FOXO4: variants seen among roughly 807,000 people sequenced by gnomAD.
FOXO4 encodes the protein forkhead box protein O4.
A neutral mutation model predicts 20.8 loss-of-function variants in FOXO4; 3 were observed. The ratio of observed to expected loss-of-function variants is 0.14; its 90% CI spans 0.07 to 0.37. The LOEUF is 0.37. FOXO4 is among the 10% of genes least tolerant of loss of function. The probability of loss-of-function intolerance (pLI) is 1.00; values close to 1 mark genes in which losing one functional copy is unlikely to be tolerated. For missense variants in FOXO4, 309 were observed against 431.9 expected (o/e 0.72, Z 2.52); for synonymous variants, 158 against 180.0 (o/e 0.88, Z 0.98).
chrX:71,100,719 G>A lies in FOXO4; in HGVS notation c.489G>A (p.Lys163=). 8.3e-7 allele frequency: 1 copy of A among 1,202,996 alleles called. No individual in the cohort carries two copies. The highest frequency in any genetic ancestry group is 1.1e-6 in the Non-Finnish European group (1 of 890,843). ...GCCACAACCTGTCCCTGCACAGCAA[G>A]TTCATCAAGGTTCACAACGAGGCCA... ...SIRHNLSLHS[K]FIKVHNEATG... The change falls in exon 2 of 3, where the codon AAG becomes AAA. Residue 163 remains lysine, a synonymous_variant. Transcript: ENST00000374259.
rs775556254 is a variant in FOXO4, at chrX:71,101,713, G to A, written c.1483G>A (p.Glu495Lys). The A allele has an allele frequency of 8.3e-7, 1 of 1,209,330 alleles. No homozygotes were observed. Among genetic ancestry groups the A allele is most frequent in the Non-Finnish European group, 1.1e-6 (1 of 893,430 alleles). Residue 495 changes from glutamate (E) to lysine (K), a missense_variant, in exon 2 of 3, where the codon GAG becomes AAG. Coordinates refer to ENST00000374259, the MANE Select transcript of FOXO4 (RefSeq NM_005938.4). Reference sequence around the variant, plus strand: ...CATCAGTGACCTCATGGATGAGGGCGAGGGACTGGACTTCAACTTTGAGCC... The same window carrying A: ...CATCAGTGACCTCATGGATGAGGGCAAGGGACTGGACTTCAACTTTGAGCC... ...NIISDLMDEG[E>K]GLDFNFEPDP
Position 71,102,349 on chromosome X carries a change from A to T in FOXO4, c.*265A>T. The T allele has an allele frequency of 2.4e-6, 1 of 415,222 alleles. No individual in the cohort carries two copies. The highest frequency in any genetic ancestry group is 4.2e-6 in the Non-Finnish European group (1 of 238,062). The allele number at this position is 415,222 out of a possible 1,213,427, so 34.2% of individuals were successfully genotyped here. On this transcript the variant is annotated 3_prime_UTR_variant, in exon 3 of 3. Coordinates refer to ENST00000374259, the MANE Select transcript of FOXO4 (RefSeq NM_005938.4). ...GTAAGGCCCCCTCTCAGGAGCCATC[A>T]TCGGCTTTCCCCATTCCTACCCACT...
rs1026337064 is a variant in FOXO4 at position 71,096,611 on chromosome X, C to A, written c.83C>A (p.Pro28His). The change falls in exon 1 of 3, where the codon CCC (proline) becomes CAC (histidine). Residue 28 changes from proline to histidine, a missense_variant. Transcript: ENST00000374259. ...LDPDFEPQSRPRSCTWPLPRP... is the reference protein window; with the variant it reads ...LDPDFEPQSRHRSCTWPLPRP... ...CCCGACTTCGAACCCCAGAGCCGTC[C>A]CCGCTCCTGCACCTGGCCCCTTCCC... is the stretch of plus-strand genomic sequence containing the variant. 8.3e-7 allele frequency: 1 copy of A among 1,208,827 alleles called. No homozygotes were observed. Among genetic ancestry groups the A allele is most frequent in the Non-Finnish European group, 1.1e-6 (1 of 894,341 alleles).
Position 71,102,064 on chromosome X carries a change from C to A in FOXO4, c.1511-13C>A. ...AAGCCTCTTACCTTGTTCTCTGTTT[C>A]TTCTTCCCACAGATCCCTGAGTCAT... is the stretch of plus-strand genomic sequence containing the variant. On this transcript the variant is annotated splice_polypyrimidine_tract_variant and intron_variant, in intron 2 of 2. Transcript: ENST00000374259. 8.3e-7 allele frequency: 1 copy of A among 1,209,531 alleles called. No individual in the cohort carries two copies. Among genetic ancestry groups the A allele is most frequent in the Non-Finnish European group, 1.1e-6 (1 of 894,050 alleles).
Position 71,096,787 on chromosome X carries a change from G to T in FOXO4, c.259G>T (p.Ala87Ser), listed in dbSNP as rs369939190. Residue 87 changes from alanine (A) to serine (S), a missense_variant, in exon 1 of 3, where the codon GCT (alanine) becomes TCT (serine). Physicochemically the swap from Ala to Ser is moderately conservative, Grantham distance 99 (BLOSUM62 1). Around this residue, in one of 3 missense-constraint regions of FOXO4, gnomAD observed 81 missense variants for 94.2 expected, o/e 0.86. Coordinates refer to ENST00000374259, the MANE Select transcript of FOXO4 (RefSeq NM_005938.4). ...AGGPQPGILGAVTGPRKGGSR... is the reference protein window; with the variant it reads ...AGGPQPGILGSVTGPRKGGSR... ...GGGCCCCCAGCCCGGAATCCTGGGG[G>T]CTGTAACAGGTCCTCGGAAGGGAGG... The T allele has an allele frequency of 3.2e-5, 38 of 1,199,023 alleles. No homozygotes were observed. Among genetic ancestry groups the T allele is most frequent in the Non-Finnish European group, 4.0e-5 (36 of 889,342 alleles).
rs1019191942 is a variant in FOXO4 at position 71,096,613 on chromosome X, C to G, written c.85C>G (p.Arg29Gly). The change falls in exon 1 of 3, where the codon CGC becomes GGC. Residue 29 changes from arginine to glycine, a missense_variant. Transcript: ENST00000374259. ...CGACTTCGAACCCCAGAGCCGTCCC[C>G]GCTCCTGCACCTGGCCCCTTCCCCG... ...DPDFEPQSRP[R>G]SCTWPLPRPE... The G allele has an allele frequency of 9.1e-6, 11 of 1,210,504 alleles. No individual in the cohort carries two copies. The highest frequency in any genetic ancestry group is 1.2e-5 in the Non-Finnish European group (11 of 894,673).
At chrX:71,098,485 A>G (rs1397997157) in intron 1 of FOXO4, among the ~76,000 whole-genome samples, 1 of 112,205 alleles carries the variant, frequency 8.9e-6, no homozygotes, top group Admixed American at 9.4e-5. Flanking sequence ...CCCTGATGAT[A>G]TGCCAAGGTT....
chrX:71,100,779 G>A lies in FOXO4; in HGVS notation c.549G>A (p.Glu183=), dbSNP rs745550997. The A allele has an allele frequency of 1.7e-6, 2 of 1,211,358 alleles. No homozygotes were observed. Among genetic ancestry groups the A allele is most frequent in the Non-Finnish European group, 2.2e-6 (2 of 895,205 alleles). The change falls in exon 2 of 3, where the codon GAG becomes GAA. Residue 183 remains glutamate, a synonymous_variant. Transcript: ENST00000374259. ...GCTCTTGGTGGATGCTGAACCCTGA[G>A]GGAGGCAAGAGCGGCAAAGCCCCCC... is the stretch of plus-strand genomic sequence containing the variant. The part of the protein sequence containing the change: ...GKSSWWMLNP[E]GGKSGKAPRR...
chrX:71,099,205 G>C (rs1211447784), intron 1 of FOXO4: 1 of 111,543 alleles, frequency 9.0e-6, no homozygotes, highest in East Asian at 2.8e-4. Flanking sequence ...GGGTGGCCAG[G>C]GGAGGGCCAA....
In FOXO4 at chrX:71,096,329, A is replaced by G; in HGVS notation, c.-200A>G. On this transcript the variant is annotated 5_prime_UTR_variant, in exon 1 of 3. Transcript: ENST00000374259. The stretch of plus-strand genomic sequence containing the variant: ...AAAGAGCTTTGAGGCTACAGGCTGT[A>G]GTCGGGAAGGGGATCGGAGAACTGT... The G allele has an allele frequency of 2.2e-6, 1 of 448,034 alleles. No homozygotes were observed. Among genetic ancestry groups the G allele is most frequent in the East Asian group, 3.7e-5 (1 of 26,765 alleles). 36.9% of individuals were successfully genotyped at this position (448,034 alleles called of 1,213,427 possible). A position where few individuals can be genotyped will look rare whatever the true frequency, so the allele number is the denominator to read the frequency against.
At chrX:71,097,057 G>A (rs2092220051) in intron 1 of FOXO4, 76 bp downstream of exon 1, 1 of 913,076 alleles carries the variant, frequency 1.1e-6, no homozygotes, top group Admixed American at 3.2e-5. Context: ...CTTCTACTCT[G>A]GGGCCCCTTT....
chrX:71,098,788 G>A (rs182684052), intron 1 of FOXO4, among the ~76,000 whole-genome samples: 27 of 111,521 alleles, frequency 2.4e-4, no homozygotes, highest in African/African-American at 7.8e-4. Flanking sequence ...ATAGTGCCAG[G>A]TCATGGTCAT....
At chrX:71,100,304 A>G (rs2092227425) in intron 1 of FOXO4, among the ~76,000 whole-genome samples, 1 of 108,993 alleles carries the variant, frequency 9.2e-6, no homozygotes, top group South Asian at 4.0e-4. Context: ...CGCTGTACAG[A>G]GAAGTCTGGA....
At position 71,101,005 on chromosome X, in the gene FOXO4, C is replaced by T. The variant is rs1481063814; in HGVS notation, c.775C>T (p.Arg259Ter). 1.7e-6 allele frequency: 2 copies of T among 1,211,280 alleles called. No individual in the cohort carries two copies. Among genetic ancestry groups the T allele is most frequent in the Non-Finnish European group, 2.2e-6 (2 of 895,136 alleles). The change falls in exon 2 of 3, where the codon CGA (arginine) becomes TGA (stop). Residue 259 changes from arginine (R) to a stop codon, truncating the protein, a stop_gained. Coordinates refer to ENST00000374259, the MANE Select transcript of FOXO4 (RefSeq NM_005938.4). LOFTEE classifies it high-confidence loss of function. ...CGATATGTGGACCACCTTCCGTCCACGAAGCAGTTCAAATGCCAGCAGTGT... is the reference window on the plus strand; with the variant it reads ...CGATATGTGGACCACCTTCCGTCCATGAAGCAGTTCAAATGCCAGCAGTGT... ...EADMWTTFRPRSSSNASSVST... is the reference protein window; with the variant it reads ...EADMWTTFRP
rs1469675818 is a variant in FOXO4, at chrX:71,101,357, C to G, written c.1127C>G (p.Pro376Arg). 8.3e-7 allele frequency: 1 copy of G among 1,209,569 alleles called. No homozygotes were observed. The highest frequency in any genetic ancestry group is 1.1e-6 in the Non-Finnish European group (1 of 894,990). ...GCCCTGCTCACCTCTGATACGCCAC[C>G]ACCCCCTGCTGACGTCCTCATGACC... is the stretch of plus-strand genomic sequence containing the variant. Reference protein sequence around the residue: ...LEALLTSDTPPPPADVLMTQV... With the variant: ...LEALLTSDTPRPPADVLMTQV... The change falls in exon 2 of 3, where the codon CCA becomes CGA. Residue 376 changes from proline (P) to arginine (R), a missense_variant. This residue lies in a region of FOXO4 where 223 missense variants were observed against 302.7 expected (regional missense o/e 0.74). Coordinates refer to ENST00000374259, the MANE Select transcript of FOXO4 (RefSeq NM_005938.4).
Position 71,102,248 on chromosome X carries a change from C to T in FOXO4, c.*164C>T. Reference sequence around the variant, plus strand: ...GAAGAAATTATAAAGATAAAGCTGCCCCATCTGGGGACGATATGGGGAGGG... The same window carrying T: ...GAAGAAATTATAAAGATAAAGCTGCTCCATCTGGGGACGATATGGGGAGGG... On this transcript the variant is annotated 3_prime_UTR_variant, in exon 3 of 3. Transcript: ENST00000374259. 2.0e-6 allele frequency: 1 copy of T among 501,355 alleles called. No homozygotes were observed. 41.3% of individuals were successfully genotyped at this position (501,355 alleles called of 1,213,427 possible).
At chrX:71,098,399 T>G (rs2092223020) in intron 1 of FOXO4, among the ~76,000 whole-genome samples, 1 of 111,916 alleles carries the variant, frequency 8.9e-6, no homozygotes, top group Admixed American at 9.4e-5. Flanking sequence ...GAGGGCAAAG[T>G]CAAATCAGGC....
rs780562834 is a variant in FOXO4, at chrX:71,100,954, C to T, written c.724C>T (p.Pro242Ser). 1.7e-6 allele frequency: 2 copies of T among 1,211,344 alleles called. No homozygotes were observed. Among genetic ancestry groups the T allele is most frequent in the South Asian group, 1.8e-5 (1 of 56,848 alleles). Residue 242 changes from proline to serine, a missense_variant, in exon 2 of 3, where the codon CCT (proline) becomes TCT (serine). Physicochemically the swap from Pro to Ser is moderately conservative, Grantham distance 74. Coordinates refer to ENST00000374259, the MANE Select transcript of FOXO4 (RefSeq NM_005938.4). ...CCACTTTGCCAAGTGGTCAGGCAGC[C>T]CTTGCTCTCGAAACCGTGAAGAAGC... is the stretch of plus-strand genomic sequence containing the variant. ...VGHFAKWSGS[P>S]CSRNREEADM...
intron 1 of FOXO4, among the ~76,000 whole-genome samples, chrX:71,098,527 TAGAAC>T (rs2092223382): frequency 8.9e-6 from 1 of 111,847 alleles, no homozygotes. Context: ...GGCACTCACT[TAGAAC>T]AAGAAAGTTT....
Sources: gnomAD v4.1 joint callset for allele counts (sites outside exome capture counted in the v4.1 genomes callset) on GRCh38, gnomAD v4.1.1 for gene constraint, gnomAD v4.1.1 regional missense constraint, MANE v1.5 for transcripts, NCBI Gene and HGNC (gene_info 2026-07-23, HGNC 2026-07-21) for gene names.